Variants in SEMA6D observed in about 807,000 individuals in gnomAD.
SEMA6D encodes the protein semaphorin 6D, also known as semaphorin-6D.
In SEMA6D, 35 loss-of-function variants were observed where a neutral mutation model predicts 106.6. The observed-to-expected ratio is 0.33, with a 90% CI of 0.25 to 0.44. SEMA6D has a LOEUF of 0.44. Among genes scored for constraint, SEMA6D ranks in the 20% least tolerant of loss-of-function variants. SEMA6D has a pLI of 1.00. For missense variants in SEMA6D, 1,185 were observed against 1,345.9 expected, an observed-to-expected ratio of 0.88 and a Z score of 1.87; for synonymous variants, 499 against 487.7, an observed-to-expected ratio of 1.02 and a Z score of -0.31.
chr15:47,344,708 G>C (rs1194463290), intron 1 of SEMA6D, among the ~76,000 whole-genome samples: 4 of 152,196 alleles, frequency 2.6e-5, no homozygotes, highest in Non-Finnish European at 5.9e-5. Context: ...TGTTGTACTG[G>C]ATGTTCCAAC....
chr15:47,295,911 A>ATTGTT (rs2035785450), intron 1 of SEMA6D, among the ~76,000 whole-genome samples: 1 of 152,142 alleles, frequency 6.6e-6, no homozygotes. Flanking sequence ...CACCTCTGAA[A>ATTGTT]CATTCTGTGA....
At chr15:47,383,293 A>C (rs1595876002) in intron 1 of SEMA6D, among the ~76,000 whole-genome samples, 1 of 152,240 alleles carries the variant, frequency 6.6e-6, no homozygotes, top group Admixed American at 6.5e-5. Flanking sequence ...AAAGGTTTCT[A>C]GCAGAGCTTC....
chr15:47,493,392 A>G (rs1391630949), intron 3 of SEMA6D, among the ~76,000 whole-genome samples: 1 of 152,178 alleles, frequency 6.6e-6, no homozygotes, highest in Non-Finnish European at 1.5e-5. Flanking sequence ...ATCAGGGTCA[A>G]TGTGGAGGCT....
At chr15:47,438,828 G>A (rs2041800977) in intron 2 of SEMA6D, among the ~76,000 whole-genome samples, 1 of 151,898 alleles carries the variant, frequency 6.6e-6, no homozygotes, top group South Asian at 2.1e-4. Flanking sequence ...ATGCGGGAGA[G>A]AGGTTTTTGA....
intron 2 of SEMA6D, among the ~76,000 whole-genome samples, chr15:47,425,146 T>C (rs1027559608): frequency 2.0e-5 from 3 of 152,050 alleles, no homozygotes; most frequent in Non-Finnish European, 2.9e-5. Context: ...TCTGTCATAT[T>C]GTGGTGATGA....
intron 1 of SEMA6D, among the ~76,000 whole-genome samples, chr15:47,193,733 C>G (rs2140981035): frequency 6.6e-6 from 1 of 152,226 alleles, no homozygotes; most frequent in East Asian, 1.9e-4. Context: ...ATCTGGGACA[C>G]TTTTATTGAC....
intron 2 of SEMA6D, among the ~76,000 whole-genome samples, chr15:47,436,445 G>T (rs2041705441): frequency 6.6e-6 from 1 of 151,352 alleles, no homozygotes; most frequent in Non-Finnish European, 1.5e-5. Context: ...GAGATTTGGG[G>T]TTGTTACCAT....
At position 47,359,771 on chromosome 15, in the gene SEMA6D, ATTAT is replaced by A. The variant is rs141112757; in HGVS notation, c.-238-52619_-238-52616del. 1.8e-4 allele frequency: 28 copies of A among 152,266 alleles called. 1 individual carries two copies. In the East Asian group the frequency reaches 5.4e-3, roughly 29 times the overall value. The allele number at this position is 152,266 out of a possible 1,614,324, so 9.4% of individuals were successfully genotyped here. A position where few individuals can be genotyped will look rare whatever the true frequency, so the allele number is the denominator to read the frequency against. On this transcript the variant is annotated intron_variant, in intron 1 of 19. Transcript: ENST00000558014. ...TGGTAGAATGGCTTTTCATTCAGAG[ATTAT>A]TTGTCAGAATTAGCTCCAATCTTAC...
In SEMA6D at chr15:47,503,439, C is replaced by T. The variant is rs961217454; in HGVS notation, c.-87+32894C>T. On this transcript the variant is annotated intron_variant, in intron 3 of 19. Transcript: ENST00000558014. ...AGTCAAAAGAAAGGCTGGTGTATTC[C>T]GACTGATTTGTCCTTAACCAGCTAG... is the stretch of plus-strand genomic sequence containing the variant. Among the ~76,000 whole-genome samples, 4 of 152,090 alleles carry T rather than the reference C, an allele frequency of 2.6e-5. No homozygotes were observed. In the East Asian group the frequency reaches 5.8e-4, roughly 22 times the overall value.
intron 2 of SEMA6D, among the ~76,000 whole-genome samples, chr15:47,462,721 C>G (rs2042551107): frequency 6.6e-6 from 1 of 152,056 alleles, no homozygotes; most frequent in African/African-American, 2.4e-5. Flanking sequence ...TGTGATTACT[C>G]TGTTCACAAT....
At chr15:47,302,105 C>T (rs1365337153) in intron 1 of SEMA6D, among the ~76,000 whole-genome samples, 1 of 152,044 alleles carries the variant, frequency 6.6e-6, no homozygotes, top group Non-Finnish European at 1.5e-5. Flanking sequence ...CTTGTAAAAT[C>T]CCTGAAAGGT....
Position 47,770,977 on chromosome 15 carries a change from C to G in SEMA6D, c.2414C>G (p.Thr805Ser), listed in dbSNP as rs2082597591. 9 of 1,614,024 alleles carry G rather than the reference C, an allele frequency of 5.6e-6. No individual in the cohort carries two copies. The highest frequency in any genetic ancestry group is 7.6e-6 in the Non-Finnish European group (9 of 1,179,970). Residue 805 changes from threonine (T) to serine (S), a missense_variant, in exon 19 of 19, where the codon ACC becomes AGC. Coordinates refer to ENST00000536845, the MANE Select transcript of SEMA6D (RefSeq NM_001358351.3). ...AHGHGASRKE[T>S]PQFFPSSPPP... ...GGCCATGGAGCTTCAAGGAAAGAAA[C>G]CCCTCAGTTTTTTCCGTCTAGTCCG... is the stretch of plus-strand genomic sequence containing the variant.
At chr15:47,694,091 A>C (rs1168090943) in intron 4 of SEMA6D, among the ~76,000 whole-genome samples, 1 of 152,196 alleles carries the variant, frequency 6.6e-6, no homozygotes, top group Non-Finnish European at 1.5e-5. Context: ...TAGTTGCATT[A>C]GAGTCAACTG....
At chr15:47,329,210 A>G (rs902758655) in intron 1 of SEMA6D, among the ~76,000 whole-genome samples, 18 of 152,224 alleles carry the variant, frequency 1.2e-4, no homozygotes, top group African/African-American at 4.3e-4. Context: ...ACAAACACCA[A>G]GGAAAGGAAC....
intron 1 of SEMA6D, among the ~76,000 whole-genome samples, chr15:47,268,106 C>T (rs2034404276): frequency 6.6e-6 from 1 of 152,030 alleles, no homozygotes; most frequent in Non-Finnish European, 1.5e-5. Flanking sequence ...TAACGAGGTC[C>T]CCAGGTGATC....
At chr15:47,343,310 G>A (rs1334888181) in intron 1 of SEMA6D, among the ~76,000 whole-genome samples, 1 of 149,822 alleles carries the variant, frequency 6.7e-6, no homozygotes, top group Non-Finnish European at 1.5e-5. Context: ...CCATGTGCAG[G>A]TTTGTTACAT....
chr15:47,202,842 C>T (rs1350351968), intron 1 of SEMA6D, among the ~76,000 whole-genome samples: 2 of 152,096 alleles, frequency 1.3e-5, no homozygotes, highest in Non-Finnish European at 2.9e-5. Context: ...AACAATTACA[C>T]TTCTAAGAGC....
At chr15:47,635,468 G>C (rs907771228) in intron 4 of SEMA6D, among the ~76,000 whole-genome samples, 2 of 152,176 alleles carry the variant, frequency 1.3e-5, no homozygotes, top group African/African-American at 4.8e-5. Context: ...AGGCCAAGAA[G>C]AGATGTTTTT....
intron 1 of SEMA6D, among the ~76,000 whole-genome samples, chr15:47,313,674 C>T (rs759784269): frequency 1.3e-5 from 2 of 152,154 alleles, no homozygotes; most frequent in Non-Finnish European, 2.9e-5. Context: ...AAGCAGTCCT[C>T]CCACCTCAGC....
Sources: gnomAD v4.1 joint callset for allele counts (sites outside exome capture counted in the v4.1 genomes callset) on GRCh38, gnomAD v4.1.1 for gene constraint, MANE v1.5 for transcripts, NCBI Gene and HGNC (gene_info 2026-07-23, HGNC 2026-07-21) for gene names.